The following PADI2 variants were observed in gnomAD, a reference collection of about 807,000 sequenced individuals.
PADI2 encodes protein-arginine deiminase type-2.
Under a neutral mutation model 81.1 loss-of-function variants are expected in PADI2, and 70 were observed. That is an observed-to-expected ratio of 0.86 (90% CI 0.71 to 1.05). The LOEUF is 1.05. Among genes scored for constraint, PADI2 ranks in the 50% least tolerant of loss-of-function variants. The pLI is 0.00. For missense variants in PADI2, 853 were observed against 889.9 expected (o/e 0.96, Z 0.53); for synonymous variants, 338 against 358.0 (o/e 0.94, Z 0.63).
chr1:17,100,443 C>T (rs564779352), intron 3 of PADI2, among the ~76,000 whole-genome samples: 2 of 151,796 alleles, frequency 1.3e-5, no homozygotes, highest in African/African-American at 4.8e-5. Context: ...CACCACCATG[C>T]CCGGCTAGTT....
At chr1:17,079,236 C>A (rs774006083) in intron 11 of PADI2, 28 bp downstream of exon 11, 8 of 1,603,530 alleles carry the variant, frequency 5.0e-6, no homozygotes, top group South Asian at 1.1e-5. Context: ...ACTCCCACAG[C>A]CCCTAGCCCC....
chr1:17,086,318 G>A (rs1050023457), intron 7 of PADI2, among the ~76,000 whole-genome samples: 1 of 152,228 alleles, frequency 6.6e-6, no homozygotes, highest in Non-Finnish European at 1.5e-5. Flanking sequence ...GAAGCAGCAA[G>A]GAGACTGATC....
chr1:17,113,581 CCCAGGT>C (rs1553184491), intron 1 of PADI2, among the ~76,000 whole-genome samples: 1 of 152,184 alleles, frequency 6.6e-6, no homozygotes, highest in Non-Finnish European at 1.5e-5. Context: ...CCTGAGATCC[CCCAGGT>C]AGGTGTGCCT....
chr1:17,103,158 T>C (rs1178816552), intron 2 of PADI2, 99 bp from the exon 3 acceptor site: 2 of 834,992 alleles, frequency 2.4e-6, no homozygotes, highest in African/African-American at 1.7e-5. Context: ...CCTCACAGCT[T>C]GTCAAGCCAA....
chr1:17,102,631 C>T (rs1480102610), intron 3 of PADI2, among the ~76,000 whole-genome samples: 1 of 152,122 alleles, frequency 6.6e-6, no homozygotes, highest in African/African-American at 2.4e-5. Flanking sequence ...TAGACTGTGG[C>T]CATTCCCCTC....
At chr1:17,086,492 C>A in intron 7 of PADI2, 29 bp downstream of exon 7, 1 of 1,593,894 alleles carries the variant, frequency 6.3e-7, no homozygotes, top group Non-Finnish European at 8.6e-7. Context: ...TGGGGTTAGC[C>A]CCCTGTGGTG....
intron 3 of PADI2, among the ~76,000 whole-genome samples, chr1:17,100,055 C>T (rs1414479331): frequency 6.9e-6 from 1 of 145,820 alleles, no homozygotes; most frequent in Non-Finnish European, 1.5e-5. Context: ...TGGGGGGGGG[C>T]TTGCCTCTGA....
Position 17,103,070 on chromosome 1 carries a change from AG to A in PADI2, c.277-12del, listed in dbSNP as rs1557770552. ...GTAGTTGACGGTGACCTTGGTGGGG[AG>A]GGGGCACATTGGAGTAGAGAGAAAA... On this transcript the variant is annotated splice_polypyrimidine_tract_variant and intron_variant, in intron 2 of 15. Coordinates refer to ENST00000375486, the MANE Select transcript of PADI2 (RefSeq NM_007365.3). 1 of 1,606,272 alleles carries A rather than the reference AG, an allele frequency of 6.2e-7. No individual in the cohort carries two copies. Among genetic ancestry groups the A allele is most frequent in the East Asian group, 2.2e-5 (1 of 44,804 alleles).
intron 6 of PADI2, among the ~76,000 whole-genome samples, chr1:17,090,100 T>C (rs910228): frequency 0.93 from 142,188 of 152,090 alleles, 66,523 homozygotes; most frequent in South Asian, 0.99. Flanking sequence ...CTAAGGCCGT[T>C]ACCAGGTCTT....
Position 17,103,043 on chromosome 1 carries a change from T to A in PADI2, c.293A>T (p.Tyr98Phe), listed in dbSNP as rs1216181262. The A allele has an allele frequency of 1.2e-6, 2 of 1,612,666 alleles. No individual in the cohort carries two copies. The highest frequency in any genetic ancestry group is 2.2e-5 in the East Asian group (1 of 44,870). Residue 98 changes from tyrosine (Y) to phenylalanine (F), a missense_variant, in exon 3 of 16, where the codon TAT (tyrosine) becomes TTT (phenylalanine). Tyr to Phe is a conservative substitution (Grantham distance 22). Transcript: ENST00000375486. Reference protein sequence around the residue: ...ASSDKVTVNYYDEEGSIPIDQ... With the variant: ...ASSDKVTVNYFDEEGSIPIDQ... ...GATGGGAATGCTCCCTTCCTCGTCA[T>A]AGTAGTTGACGGTGACCTTGGTGGG...
chr1:17,079,412 G>C lies in PADI2; in HGVS notation c.1162C>G (p.Pro388Ala). Residue 388 changes from proline to alanine, a missense_variant, in exon 11 of 16, where the codon CCA (proline) becomes GCA (alanine). Pro to Ala is a conservative substitution (Grantham distance 27). Transcript: ENST00000375486. Reference protein sequence around the residue: ...KDFPVKELLGPDFGYVTREPL... With the variant: ...KDFPVKELLGADFGYVTREPL... ...TCCCGGGTCACGTAGCCAAAATCTG[G>C]GCCCTAGGCAGAGGGCACACACCTG... 6.2e-7 allele frequency: 1 copy of C among 1,613,418 alleles called. No homozygotes were observed. The highest frequency in any genetic ancestry group is 1.3e-5 in the African/African-American group (1 of 75,010).
chr1:17,083,026 T>C, intron 9 of PADI2: 1 of 114,906 alleles, frequency 8.7e-6, no homozygotes, highest in Non-Finnish European at 1.7e-5. Flanking sequence ...TGCACTACCA[T>C]GCCAGGCTAA....
chr1:17,106,448 CTTT>C (rs1163064553), intron 1 of PADI2, among the ~76,000 whole-genome samples: 2 of 141,162 alleles, frequency 1.4e-5, no homozygotes, highest in Non-Finnish European at 3.1e-5. Flanking sequence ...TTTTCTTCTT[CTTT>C]TTTTTTTTTT....
chr1:17,070,688 G>T (rs528441858), intron 14 of PADI2, among the ~76,000 whole-genome samples: 75 of 152,116 alleles, frequency 4.9e-4, no homozygotes, highest in African/African-American at 1.7e-3. Context: ...TTAAGACTGA[G>T]TCTCACTCTG....
rs979387436 is a variant in PADI2 at position 17,081,713 on chromosome 1, C to T, written c.1158+832G>A. ...GACAAAAGAAAGATTGGTTTCGGTTCTAACTTCACACACTAGGTTGTCAAG... is the reference window on the plus strand; with the variant it reads ...GACAAAAGAAAGATTGGTTTCGGTTTTAACTTCACACACTAGGTTGTCAAG... On this transcript the variant is annotated intron_variant, in intron 10 of 15. Coordinates refer to ENST00000375486, the MANE Select transcript of PADI2 (RefSeq NM_007365.3). Among the ~76,000 whole-genome samples, 17 of 152,338 alleles carry T rather than the reference C, an allele frequency of 1.1e-4. No individual in the cohort carries two copies. The South Asian group carries it at 3.3e-3, about 30-fold the overall frequency.
At position 17,119,307 on chromosome 1, in the gene PADI2, C is replaced by T. The variant is rs1232524770; in HGVS notation, c.65G>A (p.Gly22Asp). The T allele has an allele frequency of 1.3e-6, 2 of 1,561,866 alleles. No individual in the cohort carries two copies. Among genetic ancestry groups the T allele is most frequent in the Non-Finnish European group, 1.7e-6 (2 of 1,154,356 alleles). ...GSRVEAVYVL[G>D]TYLWTDVYSA... ...GTAGACATCGGTCCAGAGGTAGGTGCCCAGCACGTACACCGCCTCCACGCG... is the reference window on the plus strand; with the variant it reads ...GTAGACATCGGTCCAGAGGTAGGTGTCCAGCACGTACACCGCCTCCACGCG... The change falls in exon 1 of 16, where the codon GGC becomes GAC. Residue 22 changes from glycine (G) to aspartate (D), a missense_variant. Physicochemically the swap from Gly to Asp is moderately conservative, Grantham distance 94. Coordinates refer to ENST00000375486, the MANE Select transcript of PADI2 (RefSeq NM_007365.3). The surrounding 1 kb of genome is among the most constrained non-coding windows in gnomAD (Gnocchi z 4.8).
chr1:17,111,235 C>T (rs1931569433), intron 1 of PADI2, among the ~76,000 whole-genome samples: 1 of 151,692 alleles, frequency 6.6e-6, no homozygotes, highest in Non-Finnish European at 1.5e-5. Flanking sequence ...TTATAGGAGC[C>T]CACCACCACG....
chr1:17,069,165 C>A lies in PADI2; in HGVS notation c.1877G>T (p.Gly626Val), dbSNP rs555689671. ...MHVRGLLEPL[G>V]LECTFIDDIS... ...GTCGTCGATGAAGGTGCATTCGAGG[C>A]CCAGGGGCTCCAGGAGGCCACGCAC... The change falls in exon 16 of 16, where the codon GGC becomes GTC. Residue 626 changes from glycine to valine, a missense_variant. Coordinates refer to ENST00000375486, the MANE Select transcript of PADI2 (RefSeq NM_007365.3). 6.2e-7 allele frequency: 1 copy of A among 1,614,200 alleles called. No individual in the cohort carries two copies. The highest frequency in any genetic ancestry group is 8.5e-7 in the Non-Finnish European group (1 of 1,180,002).
At chr1:17,108,290 C>A (rs1931457988) in intron 1 of PADI2, among the ~76,000 whole-genome samples, 1 of 152,076 alleles carries the variant, frequency 6.6e-6, no homozygotes, top group Non-Finnish European at 1.5e-5. Context: ...GACAAAAGCC[C>A]TGGACTAAGG....
Sources: gnomAD v4.1 joint callset for allele counts (sites outside exome capture counted in the v4.1 genomes callset) on GRCh38, gnomAD v4.1.1 for gene constraint, Gnocchi (gnomAD v3.1) non-coding constraint, MANE v1.5 for transcripts, NCBI Gene and HGNC (gene_info 2026-07-23, HGNC 2026-07-21) for gene names.